The following RTTN variants were observed in gnomAD, a reference collection of about 807,000 sequenced individuals.
The protein encoded by RTTN is rotatin.
RTTN carries 182 observed loss-of-function variants against 269.2 expected under a neutral mutation model. The observed-to-expected ratio is 0.68, with a 90% confidence interval of 0.60 to 0.76. The LOEUF (loss-of-function observed/expected upper bound fraction) is 0.76. Among genes scored for constraint, RTTN ranks in the 30% least tolerant of loss-of-function variants. The pLI is 0.00. For missense variants in RTTN, 2,545 were observed against 2,608.6 expected (o/e 0.98, Z 0.53); for synonymous variants, 1,006 against 963.5 (o/e 1.04, Z -0.82).
intron 14 of RTTN, 61 bp from the exon 15 acceptor site, chr18:70,150,794 A>G: frequency 7.4e-7 from 1 of 1,349,366 alleles, no homozygotes. Flanking sequence ...CAAAAGATCC[A>G]TCTTTCTTCT....
intron 46 of RTTN, among the ~76,000 whole-genome samples, chr18:70,015,252 G>A (rs1183341959): frequency 4.0e-5 from 6 of 151,870 alleles, no homozygotes; most frequent in Non-Finnish European, 5.9e-5. Flanking sequence ...TAGTAGAGGC[G>A]GGGTTTCACC....
At chr18:70,052,290 T>C (rs1465832219) in intron 38 of RTTN, among the ~76,000 whole-genome samples, 2 of 152,122 alleles carry the variant, frequency 1.3e-5, no homozygotes, top group Non-Finnish European at 2.9e-5. Flanking sequence ...TCAGCACCTA[T>C]GAGATACTTG....
At chr18:70,063,868 G>A (rs2058058376) in intron 35 of RTTN, among the ~76,000 whole-genome samples, 1 of 151,332 alleles carries the variant, frequency 6.6e-6, no homozygotes, top group Non-Finnish European at 1.5e-5. Context: ...TGAAAAAAAA[G>A]GAATATACCT....
chr18:70,184,017 G>A (rs1380232449), intron 10 of RTTN, among the ~76,000 whole-genome samples: 1 of 152,122 alleles, frequency 6.6e-6, no homozygotes, highest in African/African-American at 2.4e-5. Context: ...ATGCTCCCAT[G>A]CTGGCCTCCC....
chr18:70,172,805 C>A (rs1276088257), intron 11 of RTTN, among the ~76,000 whole-genome samples: 2 of 152,044 alleles, frequency 1.3e-5, no homozygotes, highest in South Asian at 2.1e-4. Flanking sequence ...AAAATACAAT[C>A]AAAAACTACA....
At chr18:70,175,152 A>G (rs1304654707) in intron 11 of RTTN, among the ~76,000 whole-genome samples, 1 of 151,886 alleles carries the variant, frequency 6.6e-6, no homozygotes, top group Non-Finnish European at 1.5e-5. Context: ...TTATAAATGA[A>G]TTTTTATTCT....
Position 70,181,169 on chromosome 18 carries a change from C to T in RTTN, c.1306-4324G>A, listed in dbSNP as rs148275202. 7.9e-5 allele frequency among the ~76,000 whole-genome samples: 12 copies of T among 152,270 alleles called. No individual in the cohort carries two copies. In the East Asian group the frequency reaches 2.1e-3, roughly 27 times the overall value. ...AACATTCTACAATTCTACCAACATG[C>T]CTTGATGTTGAAGTTACCAGTTCAC... On this transcript the variant is annotated intron_variant, in intron 10 of 48. Coordinates refer to ENST00000640769, the MANE Select transcript of RTTN (RefSeq NM_173630.4).
intron 28 of RTTN, among the ~76,000 whole-genome samples, chr18:70,093,261 A>T (rs199573579): frequency 1.9e-4 from 1 of 5,154 alleles, no homozygotes; most frequent in African/African-American, 2.1e-4. Context: ...AAAGTCTGTA[A>T]AAAAAAAAAA....
At chr18:70,184,716 T>TGTGTG (rs1555776913) in intron 10 of RTTN, among the ~76,000 whole-genome samples, 60 of 33,446 alleles carry the variant, frequency 1.8e-3, no homozygotes, top group African/African-American at 3.6e-3. Flanking sequence ...TTTTTTTTTT[T>TGTGTG]TGTGTGTGTG....
chr18:70,017,121 G>A (rs2145499265), intron 46 of RTTN, among the ~76,000 whole-genome samples: 1 of 152,170 alleles, frequency 6.6e-6, no homozygotes, highest in East Asian at 1.9e-4. Context: ...AAGGAGAGAG[G>A]AGAGGGAGCA....
intron 38 of RTTN, among the ~76,000 whole-genome samples, chr18:70,052,858 A>T (rs1435085): frequency 4.6e-5 from 7 of 151,956 alleles, no homozygotes; most frequent in African/African-American, 1.7e-4. Flanking sequence ...GCTAATAGAT[A>T]TACATTCAGA....
intron 37 of RTTN, 87 bp from the exon 38 acceptor site, chr18:70,054,371 T>C (rs1599300828): frequency 1.7e-6 from 2 of 1,210,028 alleles, no homozygotes; most frequent in Middle Eastern, 2.0e-4. Flanking sequence ...TGTAACACAA[T>C]AAAAAATAAA....
At chr18:70,158,087 G>A (rs951218359) in intron 14 of RTTN, among the ~76,000 whole-genome samples, 1 of 151,944 alleles carries the variant, frequency 6.6e-6, no homozygotes, top group Non-Finnish European at 1.5e-5. Flanking sequence ...GCAAATTCAG[G>A]AAACTCAGAG....
At chr18:70,046,736 G>A (rs778478519) in intron 40 of RTTN, among the ~76,000 whole-genome samples, 8 of 152,172 alleles carry the variant, frequency 5.3e-5, no homozygotes, top group Admixed American at 1.3e-4. Context: ...TTTGAGGAAC[G>A]CTTCTCCCCT....
chr18:70,044,340 AATTC>A (rs2144744858), intron 40 of RTTN, among the ~76,000 whole-genome samples: 2 of 152,368 alleles, frequency 1.3e-5, no homozygotes, highest in African/African-American at 4.8e-5. Flanking sequence ...GAGCAAAATT[AATTC>A]ATTATCTCAA....
intron 14 of RTTN, among the ~76,000 whole-genome samples, chr18:70,157,081 A>G (rs1256106549): frequency 6.6e-6 from 1 of 151,976 alleles, no homozygotes; most frequent in African/African-American, 2.4e-5. Context: ...CCCACAGCCA[A>G]TACCTACTGG....
At chr18:70,105,906 A>G (rs996923778) in intron 28 of RTTN, among the ~76,000 whole-genome samples, 9 of 152,164 alleles carry the variant, frequency 5.9e-5, no homozygotes, top group African/African-American at 2.2e-4. Flanking sequence ...CACAATATAT[A>G]TGTATTATGT....
chr18:70,020,686 C>T lies in RTTN; in HGVS notation c.6082G>A (p.Val2028Ile). The change falls in exon 45 of 49, where the codon GTT (valine) becomes ATT (isoleucine). Residue 2028 changes from valine (V) to isoleucine (I), a missense_variant. Transcript: ENST00000640769. ...ASQMPLENTTVQQMVFMLLSN... is the reference protein window; with the variant it reads ...ASQMPLENTTIQQMVFMLLSN... ...AGAAGCATAAAAACCATCTGCTGAA[C>T]CGTGGTGTTCTCCAGTGGCATCTGG... is the stretch of plus-strand genomic sequence containing the variant. 1 of 1,614,088 alleles carries T rather than the reference C, an allele frequency of 6.2e-7. No homozygotes were observed. The highest frequency in any genetic ancestry group is 8.5e-7 in the Non-Finnish European group (1 of 1,179,934).
chr18:70,049,445 A>G (rs528835445), intron 39 of RTTN, among the ~76,000 whole-genome samples: 4 of 152,292 alleles, frequency 2.6e-5, no homozygotes, highest in Admixed American at 6.5e-5. Context: ...ACTGTACTCC[A>G]TGGTAGACTC....
Sources: allele counts gnomAD v4.1 joint callset (sites outside exome capture counted in the v4.1 genomes callset), GRCh38; gene constraint gnomAD v4.1.1; transcripts MANE v1.5; gene names NCBI Gene and HGNC (gene_info 2026-07-23, HGNC 2026-07-21).